NELL2: variants seen among roughly 807,000 people sequenced by gnomAD.
NELL2 encodes neural EGFL like 2.
In NELL2, 41 loss-of-function variants were observed where a neutral mutation model predicts 109.6. The ratio of observed to expected loss-of-function variants is 0.37; its 90% CI spans 0.29 to 0.49. NELL2 has a LOEUF of 0.49. NELL2 is among the 20% of genes least tolerant of loss of function. The probability of loss-of-function intolerance (pLI) is 0.98; values close to 1 mark genes in which losing one functional copy is unlikely to be tolerated. For missense variants in NELL2, 900 were observed against 1,008.3 expected (o/e 0.89, Z 1.45); for synonymous variants, 355 against 344.7 (o/e 1.03, Z -0.33).
At chr12:44,536,725 T>G (rs1303812398) in intron 15 of NELL2, among the ~76,000 whole-genome samples, 4 of 151,998 alleles carry the variant, frequency 2.6e-5, no homozygotes, top group Non-Finnish European at 5.9e-5. Context: ...TTACATATTC[T>G]GTCTTAGAAA....
chr12:44,588,020 G>C (rs998356237), intron 15 of NELL2, among the ~76,000 whole-genome samples: 1 of 151,844 alleles, frequency 6.6e-6, no homozygotes, highest in East Asian at 1.9e-4. Context: ...GCGTGGTGGC[G>C]GGCACCTGTA....
intron 13 of NELL2, among the ~76,000 whole-genome samples, chr12:44,639,596 T>C (rs1266166986): frequency 1.3e-5 from 2 of 152,174 alleles, no homozygotes; most frequent in Non-Finnish European, 2.9e-5. Flanking sequence ...CCTCATTCTG[T>C]GTAACAGATA....
intron 9 of NELL2, among the ~76,000 whole-genome samples, chr12:44,724,555 G>A (rs148818912): frequency 1.3e-5 from 2 of 152,004 alleles, no homozygotes; most frequent in East Asian, 3.9e-4. Context: ...CCAGGAAAGT[G>A]AAAGACCTCT....
At chr12:44,883,967 A>T (rs1314403696) in intron 1 of NELL2, among the ~76,000 whole-genome samples, 1 of 151,946 alleles carries the variant, frequency 6.6e-6, no homozygotes, top group Non-Finnish European at 1.5e-5. Context: ...CAAAATCCAA[A>T]CGAGTCAATA....
chr12:44,890,785 C>A (rs1945524898), intron 1 of NELL2, among the ~76,000 whole-genome samples: 1 of 151,552 alleles, frequency 6.6e-6, no homozygotes, highest in South Asian at 2.1e-4. Context: ...GGCTGGAGTA[C>A]AATGGTGGCA....
At chr12:44,555,025 ACT>A in intron 15 of NELL2, among the ~76,000 whole-genome samples, 1 of 152,224 alleles carries the variant, frequency 6.6e-6, no homozygotes, top group East Asian at 1.9e-4. Flanking sequence ...ACATACTCCA[ACT>A]CTGAATAATA....
intron 2 of NELL2, among the ~76,000 whole-genome samples, chr12:44,841,803 A>G (rs1330743986): frequency 6.6e-6 from 1 of 152,058 alleles, no homozygotes; most frequent in Non-Finnish European, 1.5e-5. Context: ...GAGTGGAGCA[A>G]TCTCTCTGAA....
chr12:44,813,188 C>T (rs1943235158), intron 3 of NELL2, among the ~76,000 whole-genome samples: 1 of 152,266 alleles, frequency 6.6e-6, no homozygotes, highest in East Asian at 1.9e-4. Flanking sequence ...TCCAGGTCTA[C>T]ACTCTTAATC....
At chr12:44,512,100 ACC>A (rs1042110363) in intron 19 of NELL2, among the ~76,000 whole-genome samples, 1 of 152,204 alleles carries the variant, frequency 6.6e-6, no homozygotes, top group African/African-American at 2.4e-5. Context: ...AGAGATTCAT[ACC>A]CAGAATGTAC....
At chr12:44,834,833 A>G (rs1014596813) in intron 2 of NELL2, among the ~76,000 whole-genome samples, 4 of 152,024 alleles carry the variant, frequency 2.6e-5, no homozygotes, top group African/African-American at 9.7e-5. Context: ...CTCTGCTTGG[A>G]CCCACCTCTC....
At chr12:44,685,840 C>A (rs904217167) in intron 12 of NELL2, among the ~76,000 whole-genome samples, 19 of 152,088 alleles carry the variant, frequency 1.2e-4, no homozygotes, top group Non-Finnish European at 2.6e-4. Flanking sequence ...TCTCTGGCTG[C>A]CCTTAACATT....
At position 44,567,711 on chromosome 12, in the gene NELL2, C is replaced by A. The variant is rs552961336; in HGVS notation, c.1664-34990G>T. On this transcript the variant is annotated intron_variant, in intron 15 of 19. Coordinates refer to ENST00000429094, the MANE Select transcript of NELL2 (RefSeq NM_001145108.2). ...CTTTTGCTTAATTTGCTACCCTAAA[C>A]CAGAATGGAGATCCTGGCATTCACC... is the stretch of plus-strand genomic sequence containing the variant. 4.6e-5 allele frequency among the ~76,000 whole-genome samples: 7 copies of A among 152,228 alleles called. No individual in the cohort carries two copies. The South Asian group carries it at 1.0e-3, about 23-fold the overall frequency.
chr12:44,852,676 A>G (rs1274039906), intron 2 of NELL2, among the ~76,000 whole-genome samples: 1 of 152,208 alleles, frequency 6.6e-6, no homozygotes, highest in Admixed American at 6.5e-5. Context: ...AAAATAACAA[A>G]AAGTAATCAT....
At chr12:44,622,580 C>G (rs1946098402) in intron 13 of NELL2, among the ~76,000 whole-genome samples, 1 of 152,140 alleles carries the variant, frequency 6.6e-6, no homozygotes, top group Middle Eastern at 3.2e-3. Flanking sequence ...TAAAAGGTAA[C>G]TTCTGAAATA....
intron 2 of NELL2, among the ~76,000 whole-genome samples, chr12:44,858,154 C>T (rs751012499): frequency 1.1e-4 from 16 of 152,148 alleles, no homozygotes; most frequent in Non-Finnish European, 2.1e-4. Flanking sequence ...AGAAGTAGTA[C>T]TATTACTATG....
chr12:44,919,523 G>T (rs1945853736), intron 1 of NELL2, among the ~76,000 whole-genome samples: 1 of 152,076 alleles, frequency 6.6e-6, no homozygotes, highest in Non-Finnish European at 1.5e-5. Flanking sequence ...TGGTCATCAG[G>T]GTGAGCCCTA....
intron 3 of NELL2, among the ~76,000 whole-genome samples, chr12:44,812,387 C>T (rs763004544): frequency 4.6e-5 from 7 of 152,150 alleles, no homozygotes; most frequent in Non-Finnish European, 7.4e-5. Context: ...TCTCTAAGGA[C>T]ACTTACTACC....
intron 12 of NELL2, among the ~76,000 whole-genome samples, chr12:44,687,420 T>C (rs1948760841): frequency 1.3e-5 from 2 of 152,236 alleles, no homozygotes; most frequent in Non-Finnish European, 2.9e-5. Flanking sequence ...TCGGCCATCT[T>C]GGCTCCTCCC....
At chr12:44,585,711 T>C (rs1944469068) in intron 15 of NELL2, among the ~76,000 whole-genome samples, 1 of 151,712 alleles carries the variant, frequency 6.6e-6, no homozygotes. Flanking sequence ...GAATTTTGCA[T>C]GGGTATATAA....
Sources: gnomAD v4.1 joint callset for allele counts (sites outside exome capture counted in the v4.1 genomes callset) on GRCh38, gnomAD v4.1.1 for gene constraint, MANE v1.5 for transcripts, NCBI Gene and HGNC (gene_info 2026-07-23, HGNC 2026-07-21) for gene names.